Variants in BNC2 observed in about 807,000 individuals in gnomAD.
BNC2 encodes zinc finger protein basonuclin-2.
BNC2 carries 20 observed loss-of-function variants against 76.3 expected under a neutral mutation model. That is an observed-to-expected ratio of 0.26 (90% confidence interval 0.18 to 0.38). BNC2 has a LOEUF of 0.38. Among genes scored for constraint, BNC2 ranks in the 10% least tolerant of loss-of-function variants. The pLI, the probability that BNC2 is intolerant of heterozygous loss-of-function variation, is 1.00. For missense variants in BNC2, 1,382 were observed against 1,399.8 expected (o/e 0.99, Z 0.20); for synonymous variants, 582 against 514.8 (o/e 1.13, Z -1.77).
intron 5 of BNC2, among the ~76,000 whole-genome samples, chr9:16,528,081 T>C (rs548863801): frequency 1.4e-4 from 22 of 152,150 alleles, no homozygotes; most frequent in Non-Finnish European, 3.1e-4. Context: ...TGAGGAAAGA[T>C]TGAAGAGCTG....
intron 5 of BNC2, among the ~76,000 whole-genome samples, chr9:16,532,409 AGAAAAT>A (rs1163571215): frequency 3.3e-5 from 5 of 152,150 alleles, no homozygotes; most frequent in African/African-American, 4.8e-5. Flanking sequence ...GAGCTGAAAC[AGAAAAT>A]GGCTGCTTTT....
chr9:16,659,331 G>T (rs529336936), intron 3 of BNC2, among the ~76,000 whole-genome samples: 40 of 152,232 alleles, frequency 2.6e-4, no homozygotes, highest in Admixed American at 5.2e-4. Flanking sequence ...CCAAGCTTGC[G>T]GCGGGCACAG....
intron 1 of BNC2, among the ~76,000 whole-genome samples, chr9:16,765,817 A>G (rs187920528): frequency 0.011 from 1,585 of 146,830 alleles, 9 homozygotes; most frequent in Non-Finnish European, 0.014. Context: ...GACGGAGTCT[A>G]GCTCTGTCGC....
At chr9:16,806,797 T>C (rs1021715385) in intron 1 of BNC2, among the ~76,000 whole-genome samples, 1 of 152,186 alleles carries the variant, frequency 6.6e-6, no homozygotes, top group Admixed American at 6.5e-5. Flanking sequence ...ACTGAAAACC[T>C]GGTTTGGCAT....
At chr9:16,601,886 G>A (rs2133309982) in intron 3 of BNC2, among the ~76,000 whole-genome samples, 2 of 152,220 alleles carry the variant, frequency 1.3e-5, no homozygotes, top group African/African-American at 2.4e-5. Context: ...TATCTCTAAA[G>A]TTTAAAAGAT....
intron 4 of BNC2, among the ~76,000 whole-genome samples, chr9:16,574,554 C>T (rs1251263967): frequency 6.6e-6 from 1 of 152,046 alleles, no homozygotes; most frequent in Non-Finnish European, 1.5e-5. Flanking sequence ...ACAATTTCAC[C>T]TACGGAACAC....
intron 5 of BNC2, among the ~76,000 whole-genome samples, chr9:16,512,287 G>C (rs894924394): frequency 2.6e-5 from 4 of 152,156 alleles, no homozygotes; most frequent in Non-Finnish European, 4.4e-5. Context: ...ATTTCAACAT[G>C]TGGTAAATAA....
chr9:16,592,000 C>T (rs1819942099), intron 3 of BNC2, among the ~76,000 whole-genome samples: 1 of 152,018 alleles, frequency 6.6e-6, no homozygotes. Flanking sequence ...AGGAGATTCG[C>T]AAGAGCCTGG....
At chr9:16,788,946 C>T (rs1222978265) in intron 1 of BNC2, among the ~76,000 whole-genome samples, 2 of 152,158 alleles carry the variant, frequency 1.3e-5, no homozygotes, top group Admixed American at 1.3e-4. Flanking sequence ...CATCTCTATT[C>T]CCTCTACTCC....
intron 1 of BNC2, among the ~76,000 whole-genome samples, chr9:16,839,567 G>A (rs191948725): frequency 6.6e-6 from 1 of 152,174 alleles, no homozygotes; most frequent in East Asian, 1.9e-4. Flanking sequence ...GGTTAGAAGA[G>A]AACCCCATGC....
intron 6 of BNC2, among the ~76,000 whole-genome samples, chr9:16,434,643 C>T (rs1408743103): frequency 6.6e-6 from 1 of 152,134 alleles, no homozygotes; most frequent in South Asian, 2.1e-4. Context: ...ACCACCTTGA[C>T]ACATTCCATT....
At chr9:16,867,294 T>C (rs1045183963) in intron 1 of BNC2, 3 of 152,008 alleles carry the variant, frequency 2.0e-5, no homozygotes, top group African/African-American at 7.3e-5. Context: ...ATAGAAAACA[T>C]TTTCATGTAC....
intron 1 of BNC2, among the ~76,000 whole-genome samples, chr9:16,785,256 G>A (rs1217117218): frequency 2.0e-5 from 3 of 152,152 alleles, no homozygotes; most frequent in East Asian, 1.9e-4. Context: ...AGGTTTGTGC[G>A]AGGGCCTTCA....
intron 3 of BNC2, among the ~76,000 whole-genome samples, chr9:16,586,624 T>G (rs1158843785): frequency 6.6e-6 from 1 of 152,180 alleles, no homozygotes; most frequent in Non-Finnish European, 1.5e-5. Context: ...CTCTCTCCAC[T>G]GTAAATAAAT....
intron 5 of BNC2, among the ~76,000 whole-genome samples, chr9:16,534,725 C>G (rs776173593): frequency 2.0e-5 from 3 of 152,076 alleles, no homozygotes; most frequent in Non-Finnish European, 4.4e-5. Flanking sequence ...AGGAAGATGG[C>G]TTTTGTATAT....
intron 3 of BNC2, among the ~76,000 whole-genome samples, chr9:16,681,763 C>A (rs1000030211): frequency 6.6e-6 from 1 of 152,072 alleles, no homozygotes; most frequent in Non-Finnish European, 1.5e-5. Flanking sequence ...TCAAATAAAC[C>A]GCAGGGCTGA....
At chr9:16,845,147 G>A (rs533065308) in intron 1 of BNC2, among the ~76,000 whole-genome samples, 1 of 152,270 alleles carries the variant, frequency 6.6e-6, no homozygotes, top group South Asian at 2.1e-4. Flanking sequence ...GATGCCCCAT[G>A]TTTTGAAATA....
intron 5 of BNC2, among the ~76,000 whole-genome samples, chr9:16,492,873 G>A (rs1428812072): frequency 2.0e-5 from 3 of 152,110 alleles, no homozygotes; most frequent in Non-Finnish European, 2.9e-5. Flanking sequence ...AGTCTGAAAC[G>A]TTGTGTCTTA....
intron 1 of BNC2, among the ~76,000 whole-genome samples, chr9:16,763,582 A>G (rs966568661): frequency 7.9e-5 from 12 of 152,054 alleles, no homozygotes; most frequent in Non-Finnish European, 1.5e-5. Context: ...AAAAACAAAA[A>G]AAAACCATCA....
Sources: gnomAD v4.1 joint callset for allele counts (sites outside exome capture counted in the v4.1 genomes callset) on GRCh38, gnomAD v4.1.1 for gene constraint, MANE v1.5 for transcripts, NCBI Gene and HGNC (gene_info 2026-07-23, HGNC 2026-07-21) for gene names.